CADPS: variants seen among roughly 807,000 people sequenced by gnomAD.
The protein encoded by CADPS is calcium dependent secretion activator.
In CADPS, 57 loss-of-function variants were observed where a neutral mutation model predicts 167.3. That is an observed-to-expected ratio of 0.34 (90% CI 0.28 to 0.42). The LOEUF (loss-of-function observed/expected upper bound fraction) is 0.42, where lower values mean the gene tolerates loss of function less well. CADPS is among the 20% of genes least tolerant of loss of function. CADPS has a pLI of 1.00. For missense variants in CADPS, 1,414 were observed against 1,738.1 expected (o/e 0.81, Z 3.32); for synonymous variants, 676 against 635.3 (o/e 1.06, Z -0.96).
chr3:62,512,429 T>A (rs2068048815), intron 17 of CADPS, among the ~76,000 whole-genome samples: 2 of 152,148 alleles, frequency 1.3e-5, no homozygotes, highest in South Asian at 4.1e-4. Flanking sequence ...GGAAGATTCA[T>A]TTGGTTAAAC....
chr3:62,422,490 C>T (rs967022021), intron 28 of CADPS, among the ~76,000 whole-genome samples: 1 of 152,010 alleles, frequency 6.6e-6, no homozygotes, highest in Non-Finnish European at 1.5e-5. Context: ...TCCTTCCTTT[C>T]TCTTTCTTTT....
At chr3:62,684,038 C>T (rs1580363872) in intron 3 of CADPS, among the ~76,000 whole-genome samples, 1 of 151,988 alleles carries the variant, frequency 6.6e-6, no homozygotes, top group Admixed American at 6.6e-5. Flanking sequence ...CTCTATACTG[C>T]TTTCTTTGAA....
intron 3 of CADPS, among the ~76,000 whole-genome samples, chr3:62,706,497 C>T (rs1259500793): frequency 2.6e-5 from 4 of 152,070 alleles, no homozygotes; most frequent in Non-Finnish European, 5.9e-5. Context: ...GTACCACTGA[C>T]CGGGTGGCTT....
At chr3:62,599,815 T>A (rs1453171732) in intron 6 of CADPS, among the ~76,000 whole-genome samples, 112 of 8,802 alleles carry the variant, frequency 0.013, 2 homozygotes, top group South Asian at 0.056. Flanking sequence ...ATAAATAATA[T>A]ATTATATATT....
chr3:62,532,504 G>A (rs2073903889), intron 13 of CADPS, among the ~76,000 whole-genome samples: 1 of 152,104 alleles, frequency 6.6e-6, no homozygotes. Flanking sequence ...ATAGGTACTT[G>A]CATTCTCTCA....
chr3:62,874,699 C>G lies in CADPS; in HGVS notation c.331G>C (p.Glu111Gln), dbSNP rs1336807592. ...AGCCTCTTCTTCCTCTCCTCCTCCTCTTTCTGCAGCCGCTCCAACTCTTCC... is the reference window on the plus strand; with the variant it reads ...AGCCTCTTCTTCCTCTCCTCCTCCTGTTTCTGCAGCCGCTCCAACTCTTCC... ...EKEELERLQK[E>Q]EEERKKRLQL... The change falls in exon 1 of 30, where the codon GAG (glutamate) becomes CAG (glutamine). Residue 111 changes from glutamate to glutamine, a missense_variant. By Grantham distance (29) the Glu-to-Gln change is conservative. Transcript: ENST00000383710. The surrounding 1 kb of genome is among the most constrained non-coding windows in gnomAD (Gnocchi z 7.1). The G allele has an allele frequency of 1.3e-6, 2 of 1,550,746 alleles. No individual in the cohort carries two copies. Among genetic ancestry groups the G allele is most frequent in the Admixed American group, 1.9e-5 (1 of 51,346 alleles).
chr3:62,733,399 T>C (rs1193776474), intron 3 of CADPS, among the ~76,000 whole-genome samples: 3 of 149,484 alleles, frequency 2.0e-5, no homozygotes. Flanking sequence ...TTTTAATAAT[T>C]TGCCAAATCT....
chr3:62,556,120 A>C (rs1200237844), intron 10 of CADPS, among the ~76,000 whole-genome samples: 4 of 152,202 alleles, frequency 2.6e-5, no homozygotes, highest in Non-Finnish European at 5.9e-5. Flanking sequence ...AGAAGAACAC[A>C]AACCATCACA....
intron 10 of CADPS, among the ~76,000 whole-genome samples, chr3:62,554,326 G>T (rs963434808): frequency 6.6e-6 from 1 of 152,180 alleles, no homozygotes; most frequent in African/African-American, 2.4e-5. Context: ...AACAGGTAGA[G>T]TTTATTTAGT....
At chr3:62,591,540 G>A (rs1198844185) in intron 7 of CADPS, among the ~76,000 whole-genome samples, 3 of 152,178 alleles carry the variant, frequency 2.0e-5, no homozygotes, top group Non-Finnish European at 2.9e-5. Flanking sequence ...GGGTATAGTA[G>A]GCGGGGAGGA....
In CADPS at chr3:62,765,924, T is replaced by A. The variant is rs765574786; in HGVS notation, c.502A>T (p.Thr168Ser). 1.9e-6 allele frequency: 3 copies of A among 1,613,420 alleles called. No individual in the cohort carries two copies. The East Asian group carries it at 6.7e-5, about 36-fold the overall frequency. The stretch of plus-strand genomic sequence containing the variant: ...AAGGCTTCGTCAGCCATGATCTGGG[T>A]TTCCCCATTGAGGAAAGCCTGAAAC... ...DRFQAFLNGE[T>S]QIMADEAFMN... is the part of the protein sequence containing the mutation. Residue 168 changes from threonine (T) to serine (S), a missense_variant, in exon 2 of 30, where the codon ACC (threonine) becomes TCC (serine). By Grantham distance (58) the Thr-to-Ser change is moderately conservative (BLOSUM62 1). Transcript: ENST00000383710.
intron 11 of CADPS, among the ~76,000 whole-genome samples, chr3:62,538,009 C>G (rs185823845): frequency 6.6e-6 from 1 of 152,222 alleles, no homozygotes; most frequent in East Asian, 1.9e-4. Context: ...TTCCAGAAGG[C>G]AAGTTGAAGA....
intron 5 of CADPS, among the ~76,000 whole-genome samples, chr3:62,647,867 T>A (rs2068949835): frequency 6.6e-6 from 1 of 152,216 alleles, no homozygotes; most frequent in Non-Finnish European, 1.5e-5. Context: ...GAGGATTCAC[T>A]GTGTTATGAT....
chr3:62,745,723 C>T (rs2081310449), intron 3 of CADPS, among the ~76,000 whole-genome samples: 1 of 152,156 alleles, frequency 6.6e-6, no homozygotes, highest in Non-Finnish European at 1.5e-5. Context: ...ACCAAACATG[C>T]ACCTTGTGTA....
intron 6 of CADPS, 45 bp downstream of exon 6, chr3:62,645,677 G>A (rs1418099721): frequency 6.2e-7 from 1 of 1,604,430 alleles, no homozygotes; most frequent in Admixed American, 1.7e-5. Flanking sequence ...TGGAACTAAT[G>A]GCAGCAACCC....
chr3:62,515,545 C>G (rs1363295835), intron 16 of CADPS, among the ~76,000 whole-genome samples: 1 of 152,060 alleles, frequency 6.6e-6, no homozygotes, highest in Non-Finnish European at 1.5e-5. Flanking sequence ...GGAGCCATCA[C>G]AGATGGCTCA....
rs552757490 is a variant in CADPS, at chr3:62,772,433, C to A, written c.442-6449G>T. 6.2e-4 allele frequency among the ~76,000 whole-genome samples: 95 copies of A among 152,246 alleles called. No individual in the cohort carries two copies. In the South Asian group the frequency reaches 9.1e-3, roughly 15 times the overall value. ...AAATGAACATACTTGGTGGTATAAT[C>A]CTTTTCTTTCCTGCTGCCCCTTCTT... On this transcript the variant is annotated intron_variant, in intron 1 of 29. Coordinates refer to ENST00000383710, the MANE Select transcript of CADPS (RefSeq NM_003716.4).
intron 1 of CADPS, among the ~76,000 whole-genome samples, chr3:62,825,670 C>T (rs528194988): frequency 2.0e-5 from 3 of 152,298 alleles, no homozygotes; most frequent in South Asian, 2.1e-4. Context: ...CCAATTGTTC[C>T]GGCTTCTAGC....
chr3:62,565,619 C>T (rs1329172841), intron 9 of CADPS, among the ~76,000 whole-genome samples: 8 of 152,332 alleles, frequency 5.3e-5, no homozygotes, highest in African/African-American at 1.7e-4. Context: ...TACAGACACT[C>T]TCTCATTGCA....
Sources: gnomAD v4.1 joint callset for allele counts (sites outside exome capture counted in the v4.1 genomes callset) on GRCh38, gnomAD v4.1.1 for gene constraint, Gnocchi (gnomAD v3.1) non-coding constraint, MANE v1.5 for transcripts, NCBI Gene and HGNC (gene_info 2026-07-23, HGNC 2026-07-21) for gene names.